Variants in DNAH14 observed in about 807,000 individuals in gnomAD.
DNAH14 encodes the protein axonemal beta dynein heavy chain 14.
A neutral mutation model predicts 520.9 loss-of-function variants in DNAH14; 478 were observed. That is an observed-to-expected ratio of 0.92 (90% CI 0.85 to 0.99). The LOEUF (loss-of-function observed/expected upper bound fraction) is 0.99, where lower values mean the gene tolerates loss of function less well. Among genes scored for constraint, DNAH14 ranks in the 50% least tolerant of loss-of-function variants. The pLI, the probability that DNAH14 is intolerant of heterozygous loss-of-function variation, is 0.00. For synonymous variants in DNAH14, 1,581 were observed against 1,757.2 expected (o/e 0.90, Z 2.51); for missense variants, 4,831 against 5,234.5 (o/e 0.92, Z 2.38).
At chr1:225,060,556 A>C (rs914007228) in intron 17 of DNAH14, among the ~76,000 whole-genome samples, 6 of 152,052 alleles carry the variant, frequency 3.9e-5, no homozygotes, top group Non-Finnish European at 7.4e-5. Context: ...GTTGCTGGTG[A>C]GGAGCTGTGT....
intron 17 of DNAH14, among the ~76,000 whole-genome samples, chr1:225,053,562 C>T (rs1333322436): frequency 6.6e-6 from 1 of 152,046 alleles, no homozygotes; most frequent in Admixed American, 6.6e-5. Flanking sequence ...CTGTTTCCAT[C>T]ATCTAGGGGA....
chr1:225,133,033 G>GT (rs1328803788), intron 27 of DNAH14, among the ~76,000 whole-genome samples: 1 of 151,958 alleles, frequency 6.6e-6, no homozygotes, highest in Non-Finnish European at 1.5e-5. Flanking sequence ...TTTTTGAGAA[G>GT]TATCTGTTCA....
intron 31 of DNAH14, among the ~76,000 whole-genome samples, chr1:225,147,860 T>G (rs2080100411): frequency 6.6e-6 from 1 of 152,196 alleles, no homozygotes; most frequent in African/African-American, 2.4e-5. Flanking sequence ...ATCACTTAGC[T>G]CCCACATACA....
chr1:225,208,566 C>G (rs1448176075), intron 41 of DNAH14, among the ~76,000 whole-genome samples: 1 of 152,014 alleles, frequency 6.6e-6, no homozygotes, highest in African/African-American at 2.4e-5. Flanking sequence ...ATTCATATAA[C>G]AGAACCTCCA....
intron 43 of DNAH14, among the ~76,000 whole-genome samples, chr1:225,247,586 C>T (rs933113977): frequency 2.6e-5 from 4 of 151,854 alleles, no homozygotes; most frequent in Non-Finnish European, 5.9e-5. Flanking sequence ...CAACATTTGA[C>T]GATATAATAT....
chr1:225,301,594 A>G (rs1395603888), intron 56 of DNAH14, among the ~76,000 whole-genome samples: 1 of 152,216 alleles, frequency 6.6e-6, no homozygotes, highest in Admixed American at 6.5e-5. Context: ...TCTTTGAGAC[A>G]TGATGACCGA....
chr1:225,392,147 T>C, intron 83 of DNAH14, 144 bp from the exon 84 acceptor site: 2 of 1,041,122 alleles, frequency 1.9e-6, no homozygotes, highest in Non-Finnish European at 2.7e-6. Context: ...GAACTGGTCC[T>C]CTGCTCCCGC....
chr1:225,037,703 A>T (rs2067097698), intron 11 of DNAH14, among the ~76,000 whole-genome samples: 1 of 152,098 alleles, frequency 6.6e-6, no homozygotes, highest in African/African-American at 2.4e-5. Context: ...GTTTTCTGAG[A>T]CGGAGTTTCA....
chr1:224,973,414 A>G (rs1023058029), intron 7 of DNAH14, among the ~76,000 whole-genome samples: 12 of 152,342 alleles, frequency 7.9e-5, no homozygotes, highest in African/African-American at 2.4e-4. Flanking sequence ...CTCTAGATGC[A>G]AAGGCTACCA....
chr1:225,333,746 A>G (rs1032073778), intron 66 of DNAH14, among the ~76,000 whole-genome samples: 7 of 152,150 alleles, frequency 4.6e-5, no homozygotes, highest in Non-Finnish European at 1.0e-4. Flanking sequence ...TTCCCATTGT[A>G]ATCCTACTAC....
intron 38 of DNAH14, among the ~76,000 whole-genome samples, chr1:225,195,870 T>C (rs578002696): frequency 2.2e-4 from 34 of 152,168 alleles, no homozygotes; most frequent in African/African-American, 7.9e-4. Flanking sequence ...ATATTTTCAG[T>C]GTTAGCAAGG....
At chr1:225,117,663 A>G in intron 23 of DNAH14, 21 bp from the exon 24 acceptor site, 1 of 1,423,354 alleles carries the variant, frequency 7.0e-7, no homozygotes, top group Non-Finnish European at 9.6e-7. Context: ...TCTGAATTGC[A>G]TTTCTTTTGA....
intron 38 of DNAH14, among the ~76,000 whole-genome samples, chr1:225,197,028 T>C (rs2086230669): frequency 6.8e-6 from 1 of 147,364 alleles, no homozygotes; most frequent in Non-Finnish European, 1.5e-5. Context: ...TACCTTTTGC[T>C]GTGCAAAACT....
chr1:225,041,439 G>A (rs2067472903), intron 12 of DNAH14, among the ~76,000 whole-genome samples: 1 of 151,672 alleles, frequency 6.6e-6, no homozygotes, highest in Non-Finnish European at 1.5e-5. Context: ...GTTCATTCTT[G>A]TTGTCACAAA....
intron 36 of DNAH14, among the ~76,000 whole-genome samples, chr1:225,173,976 C>A (rs61851475): frequency 3.3e-5 from 5 of 152,050 alleles, no homozygotes. Flanking sequence ...ATAGATGAAG[C>A]TGGAAACCAT....
At chr1:225,105,470 A>G (rs2148774426) in intron 23 of DNAH14, among the ~76,000 whole-genome samples, 1 of 152,236 alleles carries the variant, frequency 6.6e-6, no homozygotes, top group East Asian at 1.9e-4. Flanking sequence ...TGATCTGTCT[A>G]ATGTTGACAG....
At chr1:225,230,946 T>C (rs1404464438) in intron 41 of DNAH14, 127 bp from the exon 42 acceptor site, 1 of 606,120 alleles carries the variant, frequency 1.6e-6, no homozygotes, top group Non-Finnish European at 2.8e-6. Flanking sequence ...TCAGATACTG[T>C]ATGTTAAATA....
At chr1:225,294,621 G>T (rs2093965307) in intron 55 of DNAH14, among the ~76,000 whole-genome samples, 1 of 152,122 alleles carries the variant, frequency 6.6e-6, no homozygotes, top group South Asian at 2.1e-4. Context: ...AAAAGTTCAA[G>T]ACCAGCCTGG....
intron 22 of DNAH14, among the ~76,000 whole-genome samples, chr1:225,098,881 G>A (rs1416477695): frequency 6.6e-6 from 1 of 152,144 alleles, no homozygotes; most frequent in African/African-American, 2.4e-5. Flanking sequence ...GATTCTGAAG[G>A]CATCTATCTA....
Sources: allele counts gnomAD v4.1 joint callset (sites outside exome capture counted in the v4.1 genomes callset), GRCh38; gene constraint gnomAD v4.1.1; transcripts MANE v1.5; gene names NCBI Gene and HGNC (gene_info 2026-07-23, HGNC 2026-07-21).